PIP4K2B: variants seen among roughly 807,000 people sequenced by gnomAD.
PIP4K2B encodes the protein phosphatidylinositol-5-phosphate 4-kinase type 2 beta, also known as phosphatidylinositol 5-phosphate 4-kinase type-2 beta.
A neutral mutation model predicts 42.0 loss-of-function variants in PIP4K2B; 3 were observed. The observed-to-expected ratio is 0.07, with a 90% CI of 0.03 to 0.18. The LOEUF is 0.18. PIP4K2B is among the 10% of genes least tolerant of loss of function. The probability of loss-of-function intolerance (pLI) is 1.00; values close to 1 mark genes in which losing one functional copy is unlikely to be tolerated. For synonymous variants in PIP4K2B, 204 were observed against 210.1 expected (o/e 0.97, Z 0.25); for missense variants, 332 against 562.3 (o/e 0.59, Z 4.14).
At chr17:38,778,202 C>T (rs1447921229) in intron 6 of PIP4K2B, 132 bp downstream of exon 6, 15 of 832,144 alleles carry the variant, frequency 1.8e-5, no homozygotes, top group East Asian at 2.4e-5. Context: ...TCATGACACA[C>T]GGCATTTCAT....
intron 7 of PIP4K2B, chr17:38,776,074 G>A (rs769841239): frequency 1.8e-5 from 8 of 444,332 alleles, no homozygotes; most frequent in African/African-American, 8.2e-5. Flanking sequence ...GGGTTCAAGC[G>A]ATTCTCTTGC....
chr17:38,798,765 T>G (rs1910785034), intron 1 of PIP4K2B, among the ~76,000 whole-genome samples: 1 of 152,000 alleles, frequency 6.6e-6, no homozygotes, highest in Non-Finnish European at 1.5e-5. Context: ...AGTTCTACAT[T>G]CAAAGGTAAG....
intron 1 of PIP4K2B, among the ~76,000 whole-genome samples, chr17:38,788,015 A>G (rs547535065): frequency 2.0e-5 from 3 of 152,322 alleles, no homozygotes; most frequent in African/African-American, 7.2e-5. Flanking sequence ...GCAATAATAA[A>G]TGATCAATAG....
At position 38,779,352 on chromosome 17, in the gene PIP4K2B, G is replaced by A. The variant is rs73985005; in HGVS notation, c.654+31C>T. The A allele has an allele frequency of 7.3e-3, 11,570 of 1,587,164 alleles. 737 individuals carry two copies. In the African/African-American group the frequency reaches 0.14, roughly 19 times the overall value. On this transcript the variant is annotated intron_variant, in intron 5 of 9. Transcript: ENST00000619039. ...CCTTCGGGGCTCAGATAGAGGGGAG[G>A]CACAGCTCCGGCAAACACAGAGCCC...
At chr17:38,790,804 T>C (rs1477476877) in intron 1 of PIP4K2B, among the ~76,000 whole-genome samples, 1 of 152,142 alleles carries the variant, frequency 6.6e-6, no homozygotes, top group Admixed American at 6.6e-5. Flanking sequence ...ACAATCCATA[T>C]CTCAACTAGG....
intron 2 of PIP4K2B, among the ~76,000 whole-genome samples, chr17:38,785,522 C>CA (rs1301728567): frequency 2.0e-5 from 3 of 151,922 alleles, no homozygotes; most frequent in Admixed American, 2.0e-4. Context: ...ACTAAAAATA[C>CA]AAAAAAATTA....
At chr17:38,789,917 G>A (rs1014213505) in intron 1 of PIP4K2B, among the ~76,000 whole-genome samples, 1 of 152,074 alleles carries the variant, frequency 6.6e-6, no homozygotes, top group Non-Finnish European at 1.5e-5. Flanking sequence ...CATCTATAAT[G>A]AGAGAAATGA....
At position 38,781,659 on chromosome 17, in the gene PIP4K2B, G is replaced by T. The variant is rs941087086; in HGVS notation, c.355-1055C>A. 2.0e-5 allele frequency among the ~76,000 whole-genome samples: 3 copies of T among 151,910 alleles called. No homozygotes were observed. In the East Asian group the frequency reaches 5.8e-4, roughly 29 times the overall value. On this transcript the variant is annotated intron_variant, in intron 3 of 9. Transcript: ENST00000619039. ...AGCCTACCAAGTAGCTGGGACTACA[G>T]GTGTGCACCAACATGCCCGGCTTAT... is the stretch of plus-strand genomic sequence containing the variant.
At chr17:38,795,099 C>CAAAAAAAAAAAAAAAAAAAA (rs61707682) in intron 1 of PIP4K2B, among the ~76,000 whole-genome samples, 2 of 41,498 alleles carry the variant, frequency 4.8e-5, no homozygotes, top group African/African-American at 8.5e-5. Flanking sequence ...AACTCCATCT[C>CAAAAAAAAAAAAAAAAAAAA]AAAAAAAAAA....
intron 1 of PIP4K2B, among the ~76,000 whole-genome samples, chr17:38,790,317 G>T (rs1172997076): frequency 6.6e-6 from 1 of 152,138 alleles, no homozygotes; most frequent in African/African-American, 2.4e-5. Context: ...GAAACAATTC[G>T]TGGTGGCTGT....
At chr17:38,798,898 A>AAT (rs1222269657) in intron 1 of PIP4K2B, among the ~76,000 whole-genome samples, 2 of 151,854 alleles carry the variant, frequency 1.3e-5, no homozygotes, top group Non-Finnish European at 2.9e-5. Flanking sequence ...AACAAGGGGG[A>AAT]ATATACACCC....
intron 7 of PIP4K2B, among the ~76,000 whole-genome samples, chr17:38,774,363 G>A (rs1909201351): frequency 6.6e-6 from 1 of 152,172 alleles, no homozygotes; most frequent in South Asian, 2.1e-4. Context: ...CCTTCTGCCT[G>A]GTGGCCTGAT....
At chr17:38,793,856 C>T (rs767978753) in intron 1 of PIP4K2B, among the ~76,000 whole-genome samples, 9 of 150,254 alleles carry the variant, frequency 6.0e-5, no homozygotes, top group Non-Finnish European at 1.3e-4. Flanking sequence ...TGTGCAAGAG[C>T]GCGAGACCCT....
At chr17:38,786,041 G>C (rs1397323715) in intron 2 of PIP4K2B, among the ~76,000 whole-genome samples, 2 of 152,198 alleles carry the variant, frequency 1.3e-5, no homozygotes, top group African/African-American at 4.8e-5. Flanking sequence ...GTCACTAAGG[G>C]ATGTTCTCAA....
At chr17:38,774,024 T>G (rs228292) in intron 7 of PIP4K2B, among the ~76,000 whole-genome samples, 46,629 of 152,006 alleles carry the variant, frequency 0.31, 7,955 homozygotes, top group South Asian at 0.46. Context: ...GGAAAGAACA[T>G]AGTTGGGGGT....
chr17:38,773,528 C>T (rs148760792), intron 7 of PIP4K2B, among the ~76,000 whole-genome samples: 1 of 152,292 alleles, frequency 6.6e-6, no homozygotes, highest in Non-Finnish European at 1.5e-5. Flanking sequence ...AAATGGCCAG[C>T]TAGCATTCCA....
At chr17:38,792,545 A>T (rs1910396690) in intron 1 of PIP4K2B, among the ~76,000 whole-genome samples, 2 of 152,256 alleles carry the variant, frequency 1.3e-5, no homozygotes, top group South Asian at 4.1e-4. Flanking sequence ...TGTGTCCAGA[A>T]GCCTCCACTT....
At position 38,799,142 on chromosome 17, in the gene PIP4K2B, T is replaced by A; in HGVS notation, c.159+124A>T. Reference sequence around the variant, plus strand: ...AAGGCGTGCAAGGGTGGGGTGGGCGTGCAAGTGGCTTGGCGAGGGGTGGCA... The same window carrying A: ...AAGGCGTGCAAGGGTGGGGTGGGCGAGCAAGTGGCTTGGCGAGGGGTGGCA... On this transcript the variant is annotated intron_variant, in intron 1 of 9. Transcript: ENST00000619039. The surrounding 1 kb of genome is among the most constrained non-coding windows in gnomAD (Gnocchi z 4.4). 9.9e-7 allele frequency: 1 copy of A among 1,005,288 alleles called. No homozygotes were observed. Among genetic ancestry groups the A allele is most frequent in the South Asian group, 1.9e-5 (1 of 51,352 alleles). 62.3% of individuals were successfully genotyped at this position (1,005,288 alleles called of 1,614,324 possible). A position where few individuals can be genotyped will look rare whatever the true frequency, so the allele number is the denominator to read the frequency against.
At chr17:38,788,492 G>A (rs1212603384) in intron 1 of PIP4K2B, among the ~76,000 whole-genome samples, 3 of 151,796 alleles carry the variant, frequency 2.0e-5, no homozygotes, top group African/African-American at 4.8e-5. Context: ...GAGCCACTGC[G>A]CCCGGCTGTA....
Sources: allele counts gnomAD v4.1 joint callset (sites outside exome capture counted in the v4.1 genomes callset), GRCh38; gene constraint gnomAD v4.1.1; non-coding constraint Gnocchi (gnomAD v3.1); transcripts MANE v1.5; gene names NCBI Gene and HGNC (gene_info 2026-07-23, HGNC 2026-07-21).